Variants in SH3RF3 observed in about 807,000 individuals in gnomAD.
SH3RF3 encodes SH3 domain containing ring finger 3, also known as E3 ubiquitin-protein ligase SH3RF3.
SH3RF3 carries 29 observed loss-of-function variants against 66.3 expected under a neutral mutation model. That is an observed-to-expected ratio of 0.44 (90% confidence interval 0.33 to 0.60). SH3RF3 has a LOEUF of 0.60. Among genes scored for constraint, SH3RF3 ranks in the 20% least tolerant of loss-of-function variants. The pLI, the probability that SH3RF3 is intolerant of heterozygous loss-of-function variation, is 0.04. For missense variants in SH3RF3, 1,194 were observed against 1,190.9 expected (o/e 1.00, Z -0.04); for synonymous variants, 583 against 532.0 (o/e 1.10, Z -1.32).
intron 1 of SH3RF3, among the ~76,000 whole-genome samples, chr2:109,169,129 A>G (rs780081774): frequency 1.1e-4 from 17 of 152,128 alleles, no homozygotes; most frequent in Non-Finnish European, 2.2e-4. Flanking sequence ...TAGATTTGTT[A>G]GTTGTAAGGC....
chr2:109,343,214 A>G (rs747839789), intron 1 of SH3RF3, among the ~76,000 whole-genome samples: 1 of 152,134 alleles, frequency 6.6e-6, no homozygotes. Context: ...GGCCCCTTCC[A>G]TGGACTAATT....
chr2:109,399,082 C>T (rs1559062346), intron 4 of SH3RF3, 139 bp downstream of exon 4: 4 of 1,034,324 alleles, frequency 3.9e-6, no homozygotes, highest in African/African-American at 1.6e-5. Flanking sequence ...GGGGTTTGCC[C>T]TTTGCTGCCT....
In SH3RF3 at chr2:109,223,076, C is replaced by T. The variant is rs72952039; in HGVS notation, c.573+92963C>T. 9.9e-3 allele frequency among the ~76,000 whole-genome samples: 1,514 copies of T among 152,360 alleles called. 24 individuals are homozygous for T. The highest frequency in any genetic ancestry group is 0.035 in the African/African-American group (1,450 of 41,584). On this transcript the variant is annotated intron_variant, in intron 1 of 9. Transcript: ENST00000309415. Reference sequence around the variant, plus strand: ...CACCTCTTGGCAGAGGCTGGCACCACGCCCTGATGCTTCTCCATCCCAGAC... The same window carrying T: ...CACCTCTTGGCAGAGGCTGGCACCATGCCCTGATGCTTCTCCATCCCAGAC...
chr2:109,500,010 G>A (rs1679349588), intron 9 of SH3RF3, among the ~76,000 whole-genome samples: 1 of 152,146 alleles, frequency 6.6e-6, no homozygotes, highest in Admixed American at 6.5e-5. Context: ...GATGGTGGAA[G>A]CGGGTGGTCC....
At chr2:109,250,666 A>G (rs1199212572) in intron 1 of SH3RF3, among the ~76,000 whole-genome samples, 1 of 152,018 alleles carries the variant, frequency 6.6e-6, no homozygotes, top group Admixed American at 6.5e-5. Flanking sequence ...GTATGAGGCA[A>G]ATATGGAAAA....
chr2:109,173,326 C>T (rs1239711236), intron 1 of SH3RF3, among the ~76,000 whole-genome samples: 1 of 152,156 alleles, frequency 6.6e-6, no homozygotes, highest in African/African-American at 2.4e-5. Flanking sequence ...GACTCTCCTT[C>T]CTGTGCTCTG....
chr2:109,419,028 C>A (rs1676800288), intron 4 of SH3RF3, among the ~76,000 whole-genome samples: 1 of 152,192 alleles, frequency 6.6e-6, no homozygotes, highest in African/African-American at 2.4e-5. Context: ...AAGCTTGGAG[C>A]ACTTTGGGGT....
chr2:109,458,029 T>G (rs1678109828), intron 8 of SH3RF3, among the ~76,000 whole-genome samples: 1 of 148,922 alleles, frequency 6.7e-6, no homozygotes, highest in Admixed American at 6.6e-5. Flanking sequence ...TTTTATTTTG[T>G]TTTTTCAGGC....
At chr2:109,355,649 C>A (rs1279502388) in intron 2 of SH3RF3, among the ~76,000 whole-genome samples, 4 of 152,160 alleles carry the variant, frequency 2.6e-5, no homozygotes, top group Non-Finnish European at 5.9e-5. Flanking sequence ...CTTTCCTCTT[C>A]GGCCATTGGG....
intron 1 of SH3RF3, among the ~76,000 whole-genome samples, chr2:109,266,849 T>G (rs941006535): frequency 1.3e-5 from 2 of 152,070 alleles, no homozygotes; most frequent in African/African-American, 4.8e-5. Flanking sequence ...CCTCCAAATA[T>G]TCAGAGCTGG....
intron 8 of SH3RF3, among the ~76,000 whole-genome samples, chr2:109,482,023 T>C (rs961294890): frequency 4.6e-5 from 7 of 152,240 alleles, no homozygotes; most frequent in Non-Finnish European, 8.8e-5. Context: ...CTGAATGGCG[T>C]ACTGGGGTTA....
At position 109,347,764 on chromosome 2, in the gene SH3RF3, G is replaced by A. The variant is rs565113287; in HGVS notation, c.664G>A (p.Val222Ile). 2.0e-5 allele frequency: 32 copies of A among 1,613,974 alleles called. No homozygotes were observed. Among genetic ancestry groups the A allele is most frequent in the African/African-American group, 1.9e-4 (14 of 75,034 alleles). ...DLKFNKGDIIVLRRKVDEQWY... is the reference protein window; with the variant it reads ...DLKFNKGDIIILRRKVDEQWY... The stretch of plus-strand genomic sequence containing the variant: ...CAAGTTCAACAAGGGGGACATCATC[G>A]TCCTGCGGCGCAAGGTGGATGAACA... Residue 222 changes from valine to isoleucine, a missense_variant, in exon 2 of 10, where the codon GTC becomes ATC. Val to Ile is a conservative substitution (Grantham distance 29). Coordinates refer to ENST00000309415, the MANE Select transcript of SH3RF3 (RefSeq NM_001099289.3).
At chr2:109,181,950 G>A (rs1558944135) in intron 1 of SH3RF3, among the ~76,000 whole-genome samples, 1 of 152,178 alleles carries the variant, frequency 6.6e-6, no homozygotes, top group African/African-American at 2.4e-5. Context: ...GGCCTTGAAT[G>A]AGCAACCAAA....
At position 109,490,470 on chromosome 2, in the gene SH3RF3, G is replaced by A. The variant is rs1354408262; in HGVS notation, c.2149-135G>A. On this transcript the variant is annotated intron_variant, in intron 8 of 9. Coordinates refer to ENST00000309415, the MANE Select transcript of SH3RF3 (RefSeq NM_001099289.3). ...CTGGCTACTGCTGTTGCTGTGAGTG[G>A]TAAAGTCTTTTGTCTGAAAAAATAA... is the stretch of plus-strand genomic sequence containing the variant. The A allele has an allele frequency of 1.8e-5, 14 of 775,484 alleles. No homozygotes were observed. The East Asian group carries it at 4.0e-4, about 22-fold the overall frequency. 48.0% of individuals were successfully genotyped at this position (775,484 alleles called of 1,614,324 possible).
intron 1 of SH3RF3, among the ~76,000 whole-genome samples, chr2:109,249,876 G>A (rs1680043638): frequency 6.6e-6 from 1 of 151,004 alleles, no homozygotes. Flanking sequence ...AGTAGAGACG[G>A]GGTTTCACTG....
chr2:109,432,392 G>C, intron 5 of SH3RF3, 109 bp from the exon 6 acceptor site: 1 of 1,391,458 alleles, frequency 7.2e-7, no homozygotes, highest in Non-Finnish European at 9.8e-7. Flanking sequence ...ACTCTAGTGG[G>C]TCTTTTTAGG....
intron 3 of SH3RF3, among the ~76,000 whole-genome samples, chr2:109,396,100 A>C (rs554025523): frequency 1.1e-4 from 16 of 152,198 alleles, no homozygotes; most frequent in Non-Finnish European, 2.1e-4. Context: ...GACTGCGCTC[A>C]CTGTGCCCTG....
In SH3RF3 at chr2:109,278,637, C is replaced by T. The variant is rs574484612; in HGVS notation, c.574-69037C>T. 2.0e-5 allele frequency among the ~76,000 whole-genome samples: 3 copies of T among 152,336 alleles called. No homozygotes were observed. In the East Asian group the frequency reaches 5.8e-4, roughly 29 times the overall value. On this transcript the variant is annotated intron_variant, in intron 1 of 9. Transcript: ENST00000309415. ...TTCACAGTCACTTGTGAACATCTGCCTGGCTTGGCTTCAAGCTTTGATTAG... is the reference window on the plus strand; with the variant it reads ...TTCACAGTCACTTGTGAACATCTGCTTGGCTTGGCTTCAAGCTTTGATTAG...
chr2:109,297,944 C>G (rs1681359545), intron 1 of SH3RF3, among the ~76,000 whole-genome samples: 1 of 152,090 alleles, frequency 6.6e-6, no homozygotes, highest in Non-Finnish European at 1.5e-5. Context: ...CCCCCCACCA[C>G]CAGACTAGTG....
Sources: allele counts gnomAD v4.1 joint callset (sites outside exome capture counted in the v4.1 genomes callset), GRCh38; gene constraint gnomAD v4.1.1; transcripts MANE v1.5; gene names NCBI Gene and HGNC (gene_info 2026-07-23, HGNC 2026-07-21).